CENPE: variants seen among roughly 807,000 people sequenced by gnomAD.
CENPE encodes the protein centromere protein E, also known as centromere-associated protein E.
CENPE carries 145 observed loss-of-function variants against 336.1 expected under a neutral mutation model. The observed-to-expected ratio is 0.43, with a 90% CI of 0.38 to 0.50. The LOEUF (loss-of-function observed/expected upper bound fraction) is 0.50. Ranked by LOEUF, CENPE falls within the 20% of genes least tolerant of loss-of-function variation. CENPE has a pLI of 0.00. For synonymous variants in CENPE, 1,013 were observed against 984.8 expected (o/e 1.03, Z -0.54); for missense variants, 2,719 against 3,023.3 (o/e 0.90, Z 2.36).
chr4:103,149,978 A>G (rs1753402074), intron 26 of CENPE, among the ~76,000 whole-genome samples: 1 of 152,220 alleles, frequency 6.6e-6, no homozygotes, highest in Non-Finnish European at 1.5e-5. Flanking sequence ...ATACAGGCTG[A>G]TTAAGGAGAT....
intron 26 of CENPE, 60 bp downstream of exon 26, chr4:103,151,159 A>C: frequency 6.6e-7 from 1 of 1,512,564 alleles, no homozygotes; most frequent in Non-Finnish European, 9.0e-7. Flanking sequence ...AGAAATAAAA[A>C]TTACCAAAAA....
chr4:103,161,477 G>A lies in CENPE; in HGVS notation c.1843-20C>T, dbSNP rs769069201. 71 of 1,533,994 alleles carry A rather than the reference G, an allele frequency of 4.6e-5. 1 individual carries two copies. The South Asian group carries it at 8.7e-4, about 19-fold the overall frequency. ...GCTTTCCTAGACAGATGACAAAAGG[G>A]GTTCACTGAAATCTAATTTTCACAG... is the stretch of plus-strand genomic sequence containing the variant. On this transcript the variant is annotated intron_variant, in intron 18 of 48. Transcript: ENST00000265148.
Position 103,177,558 on chromosome 4 carries a change from C to G in CENPE, c.1243-512G>C, listed in dbSNP as rs575272745. ...GAGAATCAAATAAGATGAGATGATA[C>G]TTGTATCGAGTATCAACCTTACTAC... is the stretch of plus-strand genomic sequence containing the variant. On this transcript the variant is annotated intron_variant, in intron 13 of 48. Transcript: ENST00000265148. Among the ~76,000 whole-genome samples the G allele has an allele frequency of 6.4e-4, 97 of 151,930 alleles. 1 individual carries two copies. The highest frequency in any genetic ancestry group is 2.2e-3 in the African/African-American group (90 of 41,488).
At chr4:103,153,289 G>A in intron 24 of CENPE, 39 bp from the exon 25 acceptor site, 1 of 1,366,310 alleles carries the variant, frequency 7.3e-7, no homozygotes, top group Non-Finnish European at 1.0e-6. Flanking sequence ...TTCTTAAGTA[G>A]TTAACAACAA....
At chr4:103,195,826 T>A in intron 4 of CENPE, 94 bp downstream of exon 4, 1 of 788,928 alleles carries the variant, frequency 1.3e-6, no homozygotes, top group Non-Finnish European at 2.2e-6. Context: ...TAAATCTACT[T>A]CCTTTCATCT....
rs577962349 is a variant in CENPE at position 103,186,763 on chromosome 4, C to T, written c.694-902G>A. ...TATTTAAATAGAGCTGGAAAAGGGGCCAGTAGCTTTAGGTTCATAGGACTG... is the reference window on the plus strand; with the variant it reads ...TATTTAAATAGAGCTGGAAAAGGGGTCAGTAGCTTTAGGTTCATAGGACTG... On this transcript the variant is annotated intron_variant, in intron 8 of 48. Coordinates refer to ENST00000265148, the MANE Select transcript of CENPE (RefSeq NM_001813.3). Among the ~76,000 whole-genome samples the T allele has an allele frequency of 3.3e-5, 5 of 152,146 alleles. No homozygotes were observed. The East Asian group carries it at 9.6e-4, about 29-fold the overall frequency.
At chr4:103,135,427 C>T (rs943503318) in intron 40 of CENPE, among the ~76,000 whole-genome samples, 2 of 152,144 alleles carry the variant, frequency 1.3e-5, no homozygotes, top group African/African-American at 2.4e-5. Context: ...GTACCACTAT[C>T]GACAAACCTG....
chr4:103,153,551 C>T (rs1354177700), intron 24 of CENPE, among the ~76,000 whole-genome samples: 2 of 152,134 alleles, frequency 1.3e-5, no homozygotes, highest in Non-Finnish European at 2.9e-5. Flanking sequence ...CTAATCAGAA[C>T]AATATGGACA....
At chr4:103,184,026 C>G (rs1425885100) in intron 9 of CENPE, among the ~76,000 whole-genome samples, 1 of 152,130 alleles carries the variant, frequency 6.6e-6, no homozygotes, top group Non-Finnish European at 1.5e-5. Context: ...CCCACCCCAT[C>G]CCCTGTTGAA....
chr4:103,143,517 A>G, intron 33 of CENPE, 111 bp from the exon 34 acceptor site: 1 of 708,042 alleles, frequency 1.4e-6, no homozygotes. Flanking sequence ...GAGGCCTCCT[A>G]GTTCTCACCC....
At chr4:103,112,709 C>A (rs1261494941) in intron 46 of CENPE, among the ~76,000 whole-genome samples, 1 of 118,640 alleles carries the variant, frequency 8.4e-6, no homozygotes, top group Admixed American at 9.5e-5. Context: ...TATATATATA[C>A]TTATAAGTAT....
chr4:103,142,279 CAG>C (rs1295412843), intron 34 of CENPE, among the ~76,000 whole-genome samples: 3 of 152,134 alleles, frequency 2.0e-5, no homozygotes, highest in Non-Finnish European at 4.4e-5. Flanking sequence ...ACTCCTTTAA[CAG>C]TATATATGTA....
chr4:103,161,219 T>C lies in CENPE; in HGVS notation c.1998A>G (p.Glu666=). The C allele has an allele frequency of 6.2e-7, 1 of 1,610,058 alleles. No individual in the cohort carries two copies. The highest frequency in any genetic ancestry group is 2.2e-5 in the East Asian group (1 of 44,714). Residue 666 remains glutamate (E), a synonymous_variant, in exon 20 of 49, where the codon GAA becomes GAG. Transcript: ENST00000265148. The part of the protein sequence containing the change: ...KELATTYKQM[E]NDIQLYQSQL... ...GGCTTTGATATAACTGAATATCATT[T>C]TCCATTTGCTTGTATGTAGTTGCAA...
chr4:103,117,100 C>T lies in CENPE; in HGVS notation c.7330-411G>A, dbSNP rs554778749. Among the ~76,000 whole-genome samples, 4 of 152,174 alleles carry T rather than the reference C, an allele frequency of 2.6e-5. No homozygotes were observed. In the South Asian group the frequency reaches 8.3e-4, roughly 32 times the overall value. On this transcript the variant is annotated intron_variant, in intron 44 of 48. Coordinates refer to ENST00000265148, the MANE Select transcript of CENPE (RefSeq NM_001813.3). ...TCAAACTAGAACTAAATTTAAGCCA[C>T]AAAACAAAGCATTACTAAGTATATT...
chr4:103,196,324 T>A, intron 2 of CENPE, 72 bp from the exon 3 acceptor site: 1 of 1,095,890 alleles, frequency 9.1e-7, no homozygotes, highest in Non-Finnish European at 1.4e-6. Context: ...CATTCCAAAT[T>A]AGTAATTATT....
At chr4:103,144,252 TC>T in intron 33 of CENPE, 78 bp downstream of exon 33, 1 of 1,312,106 alleles carries the variant, frequency 7.6e-7, no homozygotes, top group Non-Finnish European at 1.0e-6. Context: ...AATTTTATAC[TC>T]CCACCAACCC....
intron 8 of CENPE, among the ~76,000 whole-genome samples, chr4:103,187,051 C>T (rs1359225704): frequency 6.6e-6 from 1 of 152,162 alleles, no homozygotes; most frequent in East Asian, 1.9e-4. Flanking sequence ...AGATCTAAAA[C>T]TCTGAAATGT....
At chr4:103,130,492 C>G (rs1040124557) in intron 42 of CENPE, among the ~76,000 whole-genome samples, 1 of 151,884 alleles carries the variant, frequency 6.6e-6, no homozygotes, top group Non-Finnish European at 1.5e-5. Flanking sequence ...GAAAAACTAC[C>G]AAACTCTTAT....
intron 16 of CENPE, among the ~76,000 whole-genome samples, chr4:103,173,108 T>C (rs191593379): frequency 6.6e-6 from 1 of 152,168 alleles, no homozygotes; most frequent in East Asian, 1.9e-4. Flanking sequence ...GCCTCCAAAA[T>C]ATATTACAAA....
Sources: gnomAD v4.1 joint callset for allele counts (sites outside exome capture counted in the v4.1 genomes callset) on GRCh38, gnomAD v4.1.1 for gene constraint, MANE v1.5 for transcripts, NCBI Gene and HGNC (gene_info 2026-07-23, HGNC 2026-07-21) for gene names.